NECAB1: variants seen among roughly 807,000 people sequenced by gnomAD.
NECAB1 encodes N-terminal EF-hand calcium binding protein 1.
A neutral mutation model predicts 57.5 loss-of-function variants in NECAB1; 29 were observed. The observed-to-expected ratio is 0.50, with a 90% confidence interval of 0.38 to 0.69. NECAB1 has a LOEUF of 0.69. Ranked by LOEUF, NECAB1 falls within the 30% of genes least tolerant of loss-of-function variation. NECAB1 has a pLI of 0.00. For missense variants in NECAB1, 372 were observed against 413.8 expected (o/e 0.90, Z 0.88); for synonymous variants, 142 against 147.7 (o/e 0.96, Z 0.28).
At chr8:90,808,741 G>T (rs1381257122) in intron 2 of NECAB1, among the ~76,000 whole-genome samples, 1 of 148,362 alleles carries the variant, frequency 6.7e-6, no homozygotes, top group Non-Finnish European at 1.5e-5. Flanking sequence ...CACCTGCCGG[G>T]TTCAAGCAGT....
intron 3 of NECAB1, among the ~76,000 whole-genome samples, chr8:90,833,380 C>G (rs1812321691): frequency 7.6e-6 from 1 of 130,946 alleles, no homozygotes; most frequent in Admixed American, 8.5e-5. Context: ...TGGTTTTCAT[C>G]TATTCCTCCC....
chr8:90,814,206 T>C (rs997850554), intron 2 of NECAB1, among the ~76,000 whole-genome samples: 8 of 152,224 alleles, frequency 5.3e-5, no homozygotes, highest in African/African-American at 1.9e-4. Context: ...GTCTGGTGTT[T>C]TTCTCTTAAT....
intron 2 of NECAB1, among the ~76,000 whole-genome samples, chr8:90,818,000 TTAAC>T (rs1464649654): frequency 1.4e-4 from 21 of 151,852 alleles, no homozygotes; most frequent in Admixed American, 1.4e-3. Flanking sequence ...TCTACGGAGA[TTAAC>T]TATTTCTCCT....
intron 2 of NECAB1, among the ~76,000 whole-genome samples, chr8:90,816,212 T>C (rs1812059280): frequency 6.6e-6 from 1 of 151,948 alleles, no homozygotes; most frequent in South Asian, 2.1e-4. Context: ...TTTGTTTTCT[T>C]ACTGTTGAGT....
At chr8:90,925,787 C>G in intron 7 of NECAB1, 131 bp downstream of exon 7, 1 of 1,260,296 alleles carries the variant, frequency 7.9e-7, no homozygotes, top group Non-Finnish European at 1.1e-6. Flanking sequence ...AAGTTTGAGA[C>G]AGAAGCAGTG....
At chr8:90,920,916 G>A (rs79879329) in intron 6 of NECAB1, among the ~76,000 whole-genome samples, 2,491 of 152,300 alleles carry the variant, frequency 0.016, 65 homozygotes, top group East Asian at 0.14. Flanking sequence ...AGGAGCAGTT[G>A]GTGAGGACCC....
chr8:90,886,347 G>A (rs2129914697), intron 5 of NECAB1, among the ~76,000 whole-genome samples: 1 of 151,938 alleles, frequency 6.6e-6, no homozygotes, highest in East Asian at 1.9e-4. Context: ...TAAAATGCCA[G>A]GTTTACTATC....
At chr8:90,954,021 T>C (rs1301572457) in intron 12 of NECAB1, among the ~76,000 whole-genome samples, 13 of 151,538 alleles carry the variant, frequency 8.6e-5, no homozygotes, top group Admixed American at 8.6e-4. Flanking sequence ...GTGAACTGAG[T>C]TCGTGCCAGT....
chr8:90,814,834 A>C (rs1031016445), intron 2 of NECAB1, among the ~76,000 whole-genome samples: 2 of 152,146 alleles, frequency 1.3e-5, no homozygotes, highest in Non-Finnish European at 2.9e-5. Context: ...TGTTATTAGA[A>C]ACCAAGGTCT....
chr8:90,904,247 A>G (rs931713747), intron 5 of NECAB1, among the ~76,000 whole-genome samples: 5 of 138,352 alleles, frequency 3.6e-5, no homozygotes, highest in Admixed American at 7.5e-5. Flanking sequence ...TAATCCTGCA[A>G]GGAATATGTA....
chr8:90,944,729 G>C (rs867913350), intron 10 of NECAB1, among the ~76,000 whole-genome samples: 3 of 152,084 alleles, frequency 2.0e-5, no homozygotes, highest in African/African-American at 7.2e-5. Context: ...TCGTTAAATA[G>C]AACAAAATGA....
chr8:90,933,994 C>G (rs773287568), intron 8 of NECAB1, among the ~76,000 whole-genome samples: 11 of 151,972 alleles, frequency 7.2e-5, no homozygotes, highest in Non-Finnish European at 1.3e-4. Context: ...TTTCGTTTAC[C>G]TTCCTACCCT....
chr8:90,879,021 A>G (rs1181662013), intron 4 of NECAB1, among the ~76,000 whole-genome samples: 1 of 143,358 alleles, frequency 7.0e-6, no homozygotes, highest in African/African-American at 2.6e-5. Context: ...TATATATAAT[A>G]TATATTATAT....
intron 3 of NECAB1, among the ~76,000 whole-genome samples, chr8:90,834,774 CA>C (rs1172460176): frequency 1.3e-5 from 2 of 152,140 alleles, no homozygotes; most frequent in Non-Finnish European, 2.9e-5. Context: ...AGATAATCAC[CA>C]ATAGCATTTG....
At chr8:90,840,459 A>T (rs1812436097) in intron 3 of NECAB1, among the ~76,000 whole-genome samples, 1 of 152,224 alleles carries the variant, frequency 6.6e-6, no homozygotes, top group Non-Finnish European at 1.5e-5. Flanking sequence ...CTTAAGTGTT[A>T]TTCTATGCAG....
chr8:90,953,708 A>C (rs1191104261), intron 12 of NECAB1, among the ~76,000 whole-genome samples: 1 of 152,192 alleles, frequency 6.6e-6, no homozygotes. Flanking sequence ...TGGCCATATA[A>C]CTTCTAACAC....
At chr8:90,893,390 T>C (rs2129968835) in intron 5 of NECAB1, among the ~76,000 whole-genome samples, 1 of 152,292 alleles carries the variant, frequency 6.6e-6, no homozygotes, top group Admixed American at 6.5e-5. Context: ...GTTAAGGCAC[T>C]CAGTTAATTT....
chr8:90,915,227 A>T (rs2740795), intron 5 of NECAB1, among the ~76,000 whole-genome samples: 44,729 of 152,020 alleles, frequency 0.29, 7,290 homozygotes, highest in East Asian at 0.61. Context: ...TTTATTTTTT[A>T]AAATATCCAT....
At chr8:90,854,449 T>G (rs1214723360) in intron 3 of NECAB1, among the ~76,000 whole-genome samples, 1 of 152,218 alleles carries the variant, frequency 6.6e-6, no homozygotes, top group Non-Finnish European at 1.5e-5. Flanking sequence ...CTAAGCATGA[T>G]GTGTAAAACC....
Sources: allele counts gnomAD v4.1 joint callset (sites outside exome capture counted in the v4.1 genomes callset), GRCh38; gene constraint gnomAD v4.1.1; transcripts MANE v1.5; gene names NCBI Gene and HGNC (gene_info 2026-07-23, HGNC 2026-07-21).